The following TTC23L variants were observed in gnomAD, a reference collection of about 807,000 sequenced individuals.
TTC23L encodes the protein tetratricopeptide repeat protein 23-like.
Under a neutral mutation model 48.1 loss-of-function variants are expected in TTC23L, and 42 were observed. The ratio of observed to expected loss-of-function variants is 0.87; its 90% CI spans 0.68 to 1.13. The LOEUF (loss-of-function observed/expected upper bound fraction) is 1.13, where lower values mean the gene tolerates loss of function less well. TTC23L is among the 50% of genes most tolerant of loss of function. TTC23L has a pLI of 0.00. For missense variants in TTC23L, 391 were observed against 421.0 expected (o/e 0.93, Z 0.62); for synonymous variants, 159 against 157.2 (o/e 1.01, Z -0.09).
the TTC23L span, chr5:34,918,451 A>C: frequency 6.2e-7 from 1 of 1,607,894 alleles, no homozygotes. Context: ...GGACTTGAGA[A>C]TGTTGATGCC....
At chr5:34,909,411 GATCCAA>G in the TTC23L span, 1 of 1,260,164 alleles carries the variant, frequency 7.9e-7, no homozygotes, top group East Asian at 2.4e-5. Context: ...ACCACATTAG[GATCCAA>G]ATAAAGAAAA....
intron 3 of TTC23L, among the ~76,000 whole-genome samples, chr5:34,849,293 T>G (rs894029199): frequency 6.6e-6 from 1 of 152,160 alleles, no homozygotes; most frequent in South Asian, 2.1e-4. Context: ...TGGAAGAACA[T>G]ACCAGTAGCC....
the TTC23L span, chr5:34,911,440 A>G: frequency 7.7e-7 from 1 of 1,291,124 alleles, no homozygotes; most frequent in Non-Finnish European, 1.1e-6. Context: ...AGCTGTCTAA[A>G]GTTGTGAAAA....
At chr5:34,913,544 TC>T in the TTC23L span, 1 of 1,603,132 alleles carries the variant, frequency 6.2e-7, no homozygotes, top group Non-Finnish European at 8.5e-7. Context: ...AGTAACAGAC[TC>T]TTCCTGAACT....
chr5:34,852,544 C>T (rs890165462), intron 4 of TTC23L, among the ~76,000 whole-genome samples: 6 of 152,248 alleles, frequency 3.9e-5, no homozygotes, highest in East Asian at 3.9e-4. Flanking sequence ...GGCCGTTATC[C>T]TGCCCAGATG....
chr5:34,900,941 G>A (rs1187808508), downstream of TTC23L, among the ~76,000 whole-genome samples: 1 of 152,204 alleles, frequency 6.6e-6, no homozygotes, highest in Non-Finnish European at 1.5e-5. Flanking sequence ...CAAAATGATT[G>A]CAGTACAGTA....
chr5:34,905,921 C>G, the TTC23L span: 1 of 152,124 alleles, frequency 6.6e-6, no homozygotes, highest in African/African-American at 2.4e-5. Flanking sequence ...TTCTAAATAG[C>G]TGAAGACATG....
intron 9 of TTC23L, among the ~76,000 whole-genome samples, chr5:34,891,377 C>G (rs973152055): frequency 6.4e-4 from 98 of 152,120 alleles, no homozygotes; most frequent in African/African-American, 2.1e-3. Context: ...CATAGTAAAC[C>G]ACAGAGAGTT....
chr5:34,839,182 C>G (rs1233213208), exon 1 of TTC23L: 1 of 152,772 alleles, frequency 6.5e-6, no homozygotes, highest in Non-Finnish European at 1.5e-5. Flanking sequence ...CTTGGCCGGA[C>G]CTGGGCTGCG....
the TTC23L span, chr5:34,913,710 CA>C: frequency 1.1e-5 from 7 of 611,820 alleles, no homozygotes; most frequent in South Asian, 1.5e-4. Flanking sequence ...TTCTGATTAG[CA>C]ATCAAAACAT....
chr5:34,871,260 C>G (rs949949197), intron 8 of TTC23L, among the ~76,000 whole-genome samples: 1 of 151,954 alleles, frequency 6.6e-6, no homozygotes, highest in Non-Finnish European at 1.5e-5. Flanking sequence ...AATTGTAGTT[C>G]TATATAGTAG....
intron 9 of TTC23L, chr5:34,888,533 C>T (rs1762670922): frequency 4.1e-6 from 4 of 985,124 alleles, no homozygotes; most frequent in Non-Finnish European, 4.8e-6. Context: ...TACCCTGTGG[C>T]AGAGGTGAGT....
chr5:34,915,657 G>C, the TTC23L span: 1 of 1,455,896 alleles, frequency 6.9e-7, no homozygotes, highest in Non-Finnish European at 9.1e-7. Flanking sequence ...TGAGCGCTTA[G>C]AGCCGCCGAA....
At chr5:34,895,951 G>A (rs1236814422) in intron 9 of TTC23L, among the ~76,000 whole-genome samples, 1 of 152,138 alleles carries the variant, frequency 6.6e-6, no homozygotes, top group Non-Finnish European at 1.5e-5. Context: ...CAAAATTAAG[G>A]AGGAAATATC....
intron 9 of TTC23L, among the ~76,000 whole-genome samples, chr5:34,893,433 A>T (rs966013674): frequency 2.0e-5 from 3 of 152,198 alleles, no homozygotes; most frequent in Non-Finnish European, 4.4e-5. Context: ...AGCTAATGGA[A>T]TGGATAAAAT....
intron 4 of TTC23L, among the ~76,000 whole-genome samples, chr5:34,851,108 C>G (rs1222372246): frequency 6.6e-6 from 1 of 152,186 alleles, no homozygotes; most frequent in Non-Finnish European, 1.5e-5. Context: ...GGACTGGTCT[C>G]ATTTGATCTA....
chr5:34,852,570 A>T (rs994690098), intron 4 of TTC23L, among the ~76,000 whole-genome samples: 9 of 152,270 alleles, frequency 5.9e-5, no homozygotes, highest in African/African-American at 2.2e-4. Context: ...CGATGAGGGC[A>T]TTGGGTATGG....
intron 9 of TTC23L, 93 bp downstream of exon 9, chr5:34,880,401 A>AC: frequency 1.5e-6 from 2 of 1,321,144 alleles, no homozygotes; most frequent in Non-Finnish European, 2.0e-6. Context: ...TGGAGATCAG[A>AC]TAGGTCCCAG....
chr5:34,840,246 G>A (rs111386490), intron 1 of TTC23L, among the ~76,000 whole-genome samples: 1 of 142,594 alleles, frequency 7.0e-6, no homozygotes, highest in Non-Finnish European at 1.5e-5. Context: ...CCGGGGGGGG[G>A]GGGGAAAGCA....
Sources: allele counts gnomAD v4.1 joint callset (sites outside exome capture counted in the v4.1 genomes callset), GRCh38; gene constraint gnomAD v4.1.1; transcripts MANE v1.5; gene names NCBI Gene and HGNC (gene_info 2026-07-23, HGNC 2026-07-21).